The following OR9Q1 variants were observed in gnomAD, a reference collection of about 807,000 sequenced individuals.
OR9Q1 encodes olfactory receptor family 9 subfamily Q member 1, also known as olfactory receptor 9Q1.
For missense variants in OR9Q1, 374 were observed against 378.8 expected (o/e 0.99, Z 0.11); for synonymous variants, 153 against 148.6 (o/e 1.03, Z -0.22).
intron 2 of OR9Q1, among the ~76,000 whole-genome samples, chr11:58,114,825 A>G (rs1853935286): frequency 1.3e-5 from 2 of 152,170 alleles, no homozygotes; most frequent in South Asian, 2.1e-4. Context: ...AGCTTCTCCA[A>G]TGCCAGCTAG....
In OR9Q1 at chr11:58,142,804, G is replaced by T. The variant is rs192099224; in HGVS notation, c.-14-36627G>T. On this transcript the variant is annotated intron_variant, in intron 2 of 2. Transcript: ENST00000335397. ...ATTCAAAACTCAGTGTGCTGGCTTT[G>T]TCTGTTAATGAGTTTTGCAGGCTAA... Among the ~76,000 whole-genome samples the T allele has an allele frequency of 2.2e-4, 34 of 152,130 alleles. No homozygotes were observed. In the East Asian group the frequency reaches 4.4e-3, roughly 20 times the overall value.
chr11:58,057,194 T>C (rs1287956007), intron 2 of OR9Q1, among the ~76,000 whole-genome samples: 1 of 152,048 alleles, frequency 6.6e-6, no homozygotes, highest in Non-Finnish European at 1.5e-5. Context: ...AGTTTTACCA[T>C]GTTGGCCAGG....
intron 2 of OR9Q1, among the ~76,000 whole-genome samples, chr11:58,126,495 A>C (rs3853676): frequency 0.26 from 38,869 of 151,964 alleles, 5,432 homozygotes; most frequent in Middle Eastern, 0.41. Context: ...GGGATAAAAA[A>C]CCTTTGAAAA....
intron 2 of OR9Q1, among the ~76,000 whole-genome samples, chr11:58,138,250 C>T (rs576028741): frequency 6.6e-6 from 1 of 152,308 alleles, no homozygotes; most frequent in South Asian, 2.1e-4. Context: ...TGATTTGTGC[C>T]TCCCCAGCTG....
At chr11:58,112,763 A>G (rs1027485429) in intron 2 of OR9Q1, among the ~76,000 whole-genome samples, 2 of 152,130 alleles carry the variant, frequency 1.3e-5, no homozygotes, top group African/African-American at 4.8e-5. Context: ...TTCTGTGCCC[A>G]TATATGTCTG....
At chr11:58,154,163 AGGAGGAGAAGGAGGAGGGGAAGG>A (rs1854382475) in intron 2 of OR9Q1, among the ~76,000 whole-genome samples, 1 of 57,790 alleles carries the variant, frequency 1.7e-5, no homozygotes, top group Non-Finnish European at 4.2e-5. Context: ...GAGGAGAAGG[AGGAGGAGAAGGAGGAGGGGAAGG>A]AGGAGGAGAA....
intron 2 of OR9Q1, among the ~76,000 whole-genome samples, chr11:58,064,683 C>T (rs1377564452): frequency 6.6e-6 from 1 of 152,032 alleles, no homozygotes; most frequent in Non-Finnish European, 1.5e-5. Context: ...TCTGCCTCAG[C>T]CACAGCAAAG....
intron 2 of OR9Q1, among the ~76,000 whole-genome samples, chr11:58,068,954 G>A (rs1183690262): frequency 3.3e-5 from 5 of 152,134 alleles, no homozygotes; most frequent in Non-Finnish European, 5.9e-5. Context: ...TGCCAGCCCC[G>A]AGAACATGTT....
chr11:58,074,103 T>C (rs1853516109), intron 2 of OR9Q1, among the ~76,000 whole-genome samples: 1 of 152,252 alleles, frequency 6.6e-6, no homozygotes, highest in African/African-American at 2.4e-5. Context: ...TAGTCTTTGC[T>C]ATTATAAATA....
At chr11:58,054,740 A>G (rs1017661171) in intron 1 of OR9Q1, among the ~76,000 whole-genome samples, 1 of 152,126 alleles carries the variant, frequency 6.6e-6, no homozygotes, top group Non-Finnish European at 1.5e-5. Flanking sequence ...CCTGGGCAAC[A>G]TGGTAAAACC....
intron 2 of OR9Q1, among the ~76,000 whole-genome samples, chr11:58,128,170 A>C (rs1854106907): frequency 6.7e-6 from 1 of 149,308 alleles, no homozygotes. Context: ...GATTTGTTAG[A>C]AAAATAATAT....
intron 1 of OR9Q1, among the ~76,000 whole-genome samples, chr11:58,034,735 T>TTTCCTTCCTTCCTTCCTTCCTTCCTTCC (rs71454309): frequency 0.081 from 8,975 of 111,216 alleles, 1,043 homozygotes; most frequent in Admixed American, 0.11. Context: ...GGTTTCTTTC[T>TTTCCTTCCTTCCTTCCTTCCTTCCTTCC]TTCCTTCCTT....
chr11:58,174,710 G>A (rs1854587658), intron 2 of OR9Q1, among the ~76,000 whole-genome samples: 1 of 150,160 alleles, frequency 6.7e-6, no homozygotes, highest in Non-Finnish European at 1.5e-5. Flanking sequence ...TTCTCTATTA[G>A]AGAAAATTTT....
At chr11:58,174,801 C>T (rs1854588661) in intron 2 of OR9Q1, among the ~76,000 whole-genome samples, 1 of 151,248 alleles carries the variant, frequency 6.6e-6, no homozygotes, top group African/African-American at 2.4e-5. Flanking sequence ...TAAATTGAAA[C>T]TCTTTAGAGC....
chr11:58,114,601 A>AC (rs1213236673), intron 2 of OR9Q1, among the ~76,000 whole-genome samples: 2 of 152,234 alleles, frequency 1.3e-5, no homozygotes, highest in Non-Finnish European at 2.9e-5. Context: ...TAAGTGGCAG[A>AC]CCCTGAATGA....
At chr11:58,161,371 CAG>C (rs924897585) in intron 2 of OR9Q1, among the ~76,000 whole-genome samples, 25 of 151,326 alleles carry the variant, frequency 1.7e-4, no homozygotes, top group African/African-American at 5.1e-4. Context: ...CAGAAAGAGA[CAG>C]AGAGAGAGAG....
intron 2 of OR9Q1, among the ~76,000 whole-genome samples, chr11:58,082,141 G>A (rs1294700085): frequency 6.6e-6 from 1 of 152,072 alleles, no homozygotes; most frequent in Non-Finnish European, 1.5e-5. Flanking sequence ...TGGAGAAATA[G>A]GAACATTTTT....
chr11:58,144,589 C>T (rs945921891), intron 2 of OR9Q1: 1 of 152,270 alleles, frequency 6.6e-6, no homozygotes, highest in East Asian at 1.9e-4. Flanking sequence ...TTTCTCATCA[C>T]CATGGGGGGC....
At chr11:58,153,865 G>A (rs1485819595) in intron 2 of OR9Q1, among the ~76,000 whole-genome samples, 2 of 152,160 alleles carry the variant, frequency 1.3e-5, no homozygotes, top group African/African-American at 4.8e-5. Context: ...GAGCAGATTG[G>A]ATGGAGGAAG....
Sources: allele counts gnomAD v4.1 joint callset (sites outside exome capture counted in the v4.1 genomes callset), GRCh38; gene constraint gnomAD v4.1.1; transcripts MANE v1.5; gene names NCBI Gene and HGNC (gene_info 2026-07-23, HGNC 2026-07-21).